Variants in EPHA4 observed in about 807,000 individuals in gnomAD.
EPHA4 encodes EPH receptor A4.
A neutral mutation model predicts 108.3 loss-of-function variants in EPHA4; 19 were observed. The observed-to-expected ratio is 0.18, with a 90% confidence interval of 0.12 to 0.26. EPHA4 has a LOEUF of 0.26. Ranked by LOEUF, EPHA4 falls within the 10% of genes least tolerant of loss-of-function variation. The probability of loss-of-function intolerance (pLI) is 1.00; values close to 1 mark genes in which losing one functional copy is unlikely to be tolerated. For missense variants in EPHA4, 917 were observed against 1,254.0 expected (o/e 0.73, Z 4.06); for synonymous variants, 449 against 455.5 (o/e 0.99, Z 0.18).
At chr2:221,501,528 T>C (rs1359640754) in intron 3 of EPHA4, among the ~76,000 whole-genome samples, 1 of 152,142 alleles carries the variant, frequency 6.6e-6, no homozygotes, top group Non-Finnish European at 1.5e-5. Context: ...CGACAGGCAT[T>C]ATCTCTACCT....
chr2:221,452,015 A>G (rs1055491283), intron 8 of EPHA4, among the ~76,000 whole-genome samples: 1 of 152,252 alleles, frequency 6.6e-6, no homozygotes, highest in African/African-American at 2.4e-5. Context: ...CTAGCAAGAT[A>G]CCAACTGTGA....
intron 3 of EPHA4, among the ~76,000 whole-genome samples, chr2:221,515,309 G>T (rs2106168795): frequency 6.6e-6 from 1 of 152,202 alleles, no homozygotes; most frequent in East Asian, 1.9e-4. Flanking sequence ...TGGTCAGGCT[G>T]GTCTCGAACT....
At chr2:221,436,858 T>C (rs1574561461) in intron 12 of EPHA4, among the ~76,000 whole-genome samples, 2 of 152,304 alleles carry the variant, frequency 1.3e-5, no homozygotes, top group East Asian at 3.9e-4. Context: ...AGCTCCACAT[T>C]ACAGGAATAA....
chr2:221,535,734 A>AT (rs1478696064), intron 3 of EPHA4, among the ~76,000 whole-genome samples: 1 of 152,176 alleles, frequency 6.6e-6, no homozygotes, highest in Non-Finnish European at 1.5e-5. Context: ...TAGAACAAAG[A>AT]TTTTTTGGTA....
intron 3 of EPHA4, among the ~76,000 whole-genome samples, chr2:221,539,812 G>T (rs1028340332): frequency 7.2e-5 from 11 of 152,184 alleles, no homozygotes; most frequent in Admixed American, 1.3e-4. Context: ...TACAATGAAG[G>T]CTGGAAGGGT....
rs114868127 is a variant in EPHA4 at position 221,477,608 on chromosome 2, T to G, written c.1318+4744A>C. On this transcript the variant is annotated intron_variant, in intron 5 of 17. Coordinates refer to ENST00000281821, the MANE Select transcript of EPHA4 (RefSeq NM_004438.5). ...ACAACTGTTCACTATCTTACTGTTT[T>G]CCCCCCGCAACGTAAATCCCTTGGC... Among the ~76,000 whole-genome samples the G allele has an allele frequency of 3.8e-3, 581 of 152,060 alleles. 3 individuals are homozygous for G. The highest frequency in any genetic ancestry group is 0.013 in the African/African-American group (556 of 41,472).
intron 3 of EPHA4, among the ~76,000 whole-genome samples, chr2:221,550,461 A>G (rs1230386179): frequency 7.5e-6 from 1 of 134,182 alleles, no homozygotes; most frequent in Non-Finnish European, 1.7e-5. Context: ...GAGAATGTAG[A>G]CTAATGTCAC....
At chr2:221,512,073 AAATT>A (rs1330927393) in intron 3 of EPHA4, among the ~76,000 whole-genome samples, 2 of 152,188 alleles carry the variant, frequency 1.3e-5, no homozygotes, top group African/African-American at 4.8e-5. Context: ...GATTTTCAAT[AAATT>A]AATTCTATTG....
At chr2:221,541,609 C>T (rs1693842230) in intron 3 of EPHA4, among the ~76,000 whole-genome samples, 1 of 152,132 alleles carries the variant, frequency 6.6e-6, no homozygotes, top group African/African-American at 2.4e-5. Context: ...ATACAGATGA[C>T]AGTACTCAAC....
At chr2:221,506,099 T>A (rs968065563) in intron 3 of EPHA4, among the ~76,000 whole-genome samples, 7 of 152,160 alleles carry the variant, frequency 4.6e-5, no homozygotes, top group African/African-American at 1.7e-4. Flanking sequence ...GAGAGGCTTA[T>A]AGGTCTCTCC....
At chr2:221,497,916 CTT>C (rs910469889) in intron 4 of EPHA4, among the ~76,000 whole-genome samples, 1 of 152,148 alleles carries the variant, frequency 6.6e-6, no homozygotes, top group Non-Finnish European at 1.5e-5. Flanking sequence ...GCAAATGTTA[CTT>C]TAATTTTTAG....
chr2:221,553,124 C>T (rs1337314534), intron 3 of EPHA4, among the ~76,000 whole-genome samples: 1 of 152,124 alleles, frequency 6.6e-6, no homozygotes, highest in African/African-American at 2.4e-5. Flanking sequence ...ATTATTTCAT[C>T]AGTGAAACAT....
At chr2:221,502,280 A>G (rs1692509825) in intron 3 of EPHA4, among the ~76,000 whole-genome samples, 1 of 152,152 alleles carries the variant, frequency 6.6e-6, no homozygotes, top group African/African-American at 2.4e-5. Flanking sequence ...CAACACCATC[A>G]GCATTAAACC....
chr2:221,515,800 A>G (rs558869215), intron 3 of EPHA4, among the ~76,000 whole-genome samples: 16 of 152,292 alleles, frequency 1.1e-4, no homozygotes, highest in African/African-American at 3.4e-4. Flanking sequence ...TGGGCAACGG[A>G]GCAAGACCCT....
chr2:221,552,529 G>C (rs866618097), intron 3 of EPHA4, among the ~76,000 whole-genome samples: 1 of 152,194 alleles, frequency 6.6e-6, no homozygotes, highest in Non-Finnish European at 1.5e-5. Context: ...GGAAGAGTGC[G>C]AGGAGGGTAA....
chr2:221,476,246 C>G (rs780556688), intron 5 of EPHA4, among the ~76,000 whole-genome samples: 11 of 152,134 alleles, frequency 7.2e-5, no homozygotes, highest in African/African-American at 2.7e-4. Context: ...CTGCTTGTCC[C>G]TTTGATCTCA....
intron 5 of EPHA4, among the ~76,000 whole-genome samples, chr2:221,475,657 G>A (rs1287637213): frequency 6.6e-6 from 1 of 152,194 alleles, no homozygotes; most frequent in African/African-American, 2.4e-5. Context: ...CCATTGTCAC[G>A]TGAAAACACT....
At chr2:221,492,339 G>GA (rs760375386) in intron 4 of EPHA4, among the ~76,000 whole-genome samples, 2 of 151,692 alleles carry the variant, frequency 1.3e-5, no homozygotes, top group East Asian at 1.9e-4. Context: ...AGTATGTGGG[G>GA]AAAAAAAAGA....
chr2:221,436,141 A>C (rs568542112), intron 13 of EPHA4, among the ~76,000 whole-genome samples: 6 of 151,094 alleles, frequency 4.0e-5, no homozygotes, highest in East Asian at 3.9e-4. Flanking sequence ...CTGCCCTCCC[A>C]AAAAAAAACA....
Sources: allele counts gnomAD v4.1 joint callset (sites outside exome capture counted in the v4.1 genomes callset), GRCh38; gene constraint gnomAD v4.1.1; transcripts MANE v1.5; gene names NCBI Gene and HGNC (gene_info 2026-07-23, HGNC 2026-07-21).